ATP10B: variants seen among roughly 807,000 people sequenced by gnomAD.
The protein encoded by ATP10B is phospholipid-transporting ATPase VB.
In ATP10B, 122 loss-of-function variants were observed where a neutral mutation model predicts 141.2. That is an observed-to-expected ratio of 0.86 (90% CI 0.75 to 1.00). The LOEUF is 1.00. Among genes scored for constraint, ATP10B ranks in the 50% least tolerant of loss-of-function variants. The pLI is 0.00. For missense variants in ATP10B, 1,876 were observed against 1,825.3 expected (o/e 1.03, Z -0.51); for synonymous variants, 685 against 692.0 (o/e 0.99, Z 0.16).
chr5:160,659,326 A>G (rs1761735021), intron 7 of ATP10B, among the ~76,000 whole-genome samples: 1 of 151,924 alleles, frequency 6.6e-6, no homozygotes, highest in African/African-American at 2.4e-5. Flanking sequence ...TTAGCCGGGT[A>G]TGGTAGTGGG....
At chr5:160,611,565 T>G (rs967320167) in intron 18 of ATP10B, among the ~76,000 whole-genome samples, 1 of 152,226 alleles carries the variant, frequency 6.6e-6, no homozygotes, top group Non-Finnish European at 1.5e-5. Flanking sequence ...GACAGGAAAG[T>G]AAATGATTTT....
At chr5:160,625,896 A>G (rs560236687) in intron 13 of ATP10B, among the ~76,000 whole-genome samples, 2 of 152,330 alleles carry the variant, frequency 1.3e-5, no homozygotes, top group East Asian at 1.9e-4. Context: ...TCTTTTATAT[A>G]TTCCCATCCA....
At chr5:160,811,363 C>A (rs1408952339) in intron 1 of ATP10B, among the ~76,000 whole-genome samples, 2 of 152,130 alleles carry the variant, frequency 1.3e-5, no homozygotes, top group Non-Finnish European at 2.9e-5. Flanking sequence ...GAGTAGAGAA[C>A]CAAGTGGGTT....
the ATP10B span, among the ~76,000 whole-genome samples, chr5:160,888,605 G>A: frequency 3.9e-5 from 6 of 152,164 alleles, no homozygotes; most frequent in Non-Finnish European, 8.8e-5. Flanking sequence ...AAGCAGAGGG[G>A]AGGAGGCAGA....
intron 1 of ATP10B, among the ~76,000 whole-genome samples, chr5:160,837,548 AAT>A (rs1412254534): frequency 7.9e-5 from 12 of 152,112 alleles, no homozygotes; most frequent in African/African-American, 2.9e-4. Flanking sequence ...TCTCTACCAA[AAT>A]ATGATTTTTT....
chr5:160,807,692 A>G (rs955979991), intron 1 of ATP10B, among the ~76,000 whole-genome samples: 5 of 152,248 alleles, frequency 3.3e-5, no homozygotes, highest in African/African-American at 9.6e-5. Context: ...CTCTGTATCC[A>G]TATGATAAAA....
chr5:160,628,694 G>C (rs975352024), intron 13 of ATP10B, among the ~76,000 whole-genome samples: 4 of 152,140 alleles, frequency 2.6e-5, no homozygotes, highest in Non-Finnish European at 5.9e-5. Flanking sequence ...ATATTCTGTG[G>C]TCTGATGGCA....
chr5:160,920,172 TCGAG>T, the ATP10B span, among the ~76,000 whole-genome samples: 1 of 152,190 alleles, frequency 6.6e-6, no homozygotes, highest in Non-Finnish European at 1.5e-5. Context: ...TTACAGTCGA[TCGAG>T]CATCTCTGAC....
At chr5:160,784,622 A>G (rs1485179392) in intron 2 of ATP10B, among the ~76,000 whole-genome samples, 2 of 152,176 alleles carry the variant, frequency 1.3e-5, no homozygotes, top group Non-Finnish European at 2.9e-5. Flanking sequence ...AACAGTCTGC[A>G]TATGGTATAA....
At chr5:160,803,636 A>C (rs1221849961) in intron 1 of ATP10B, among the ~76,000 whole-genome samples, 2 of 152,182 alleles carry the variant, frequency 1.3e-5, no homozygotes, top group African/African-American at 4.8e-5. Flanking sequence ...AGATCATACC[A>C]CTGTACTCCA....
chr5:160,569,537 G>A lies in ATP10B; in HGVS notation c.3897C>T (p.Tyr1299=). 2 of 1,613,942 alleles carry A rather than the reference G, an allele frequency of 1.2e-6. No homozygotes were observed. The highest frequency in any genetic ancestry group is 1.7e-6 in the Non-Finnish European group (2 of 1,179,888). Residue 1299 remains tyrosine, a synonymous_variant, in exon 25 of 26, where the codon TAC becomes TAT. Coordinates refer to ENST00000327245, the MANE Select transcript of ATP10B (RefSeq NM_025153.3). ...CAACTGGTGTGAGAAAGCAGACGAGGTAGAAAGTGGGGTTTGAGAGCTGGC... is the reference window on the plus strand; with the variant it reads ...CAACTGGTGTGAGAAAGCAGACGAGATAGAAAGTGGGGTTTGAGAGCTGGC... The part of the protein sequence containing the change: ...MEGQLSNPTF[Y]LVCFLTPVVA...
chr5:160,592,348 T>TATA (rs1756366736), intron 22 of ATP10B, among the ~76,000 whole-genome samples: 1 of 152,032 alleles, frequency 6.6e-6, no homozygotes, highest in African/African-American at 2.4e-5. Context: ...GGCTGAAAGG[T>TATA]ATAGGATCCT....
intron 12 of ATP10B, chr5:160,633,067 A>G (rs1233907750): frequency 6.6e-6 from 1 of 152,282 alleles, no homozygotes; most frequent in Non-Finnish European, 1.5e-5. Flanking sequence ...GTCAGGACAC[A>G]ACAGATGCTG....
At chr5:160,783,562 TACACACACACACACACACAC>T (rs57796332) in intron 2 of ATP10B, among the ~76,000 whole-genome samples, 1 of 131,292 alleles carries the variant, frequency 7.6e-6, no homozygotes, top group Non-Finnish European at 1.6e-5. Context: ...ATATATATGA[TACACACACACACACACACAC>T]ACACACACAC....
At chr5:160,889,298 G>T in the ATP10B span, among the ~76,000 whole-genome samples, 5 of 152,166 alleles carry the variant, frequency 3.3e-5, no homozygotes, top group African/African-American at 1.2e-4. Context: ...GAATCGGGTG[G>T]CTAGAGTGCC....
the ATP10B span, among the ~76,000 whole-genome samples, chr5:160,902,647 A>G: frequency 6.6e-6 from 1 of 152,240 alleles, no homozygotes; most frequent in Admixed American, 6.5e-5. Flanking sequence ...TGAGCATGAT[A>G]GAGAAAAGTT....
At chr5:160,724,251 CTTTTTTTTTTTT>C (rs35786358) in intron 2 of ATP10B, among the ~76,000 whole-genome samples, 1 of 107,072 alleles carries the variant, frequency 9.3e-6, no homozygotes, top group Non-Finnish European at 1.8e-5. Flanking sequence ...GCTATAATTC[CTTTTTTTTTTTT>C]TTTTTTTTTT....
chr5:160,588,660 A>G (rs1389521233), intron 24 of ATP10B, among the ~76,000 whole-genome samples: 1 of 152,160 alleles, frequency 6.6e-6, no homozygotes, highest in Non-Finnish European at 1.5e-5. Flanking sequence ...GTTAAACCTT[A>G]TTGCATCTGC....
At chr5:160,599,106 A>G (rs1294916807) in intron 21 of ATP10B, 136 bp from the exon 22 acceptor site, 4 of 692,272 alleles carry the variant, frequency 5.8e-6, no homozygotes, top group Admixed American at 5.3e-5. Context: ...AGGATGAGAG[A>G]GAATTCTAAT....
Sources: gnomAD v4.1 joint callset for allele counts (sites outside exome capture counted in the v4.1 genomes callset) on GRCh38, gnomAD v4.1.1 for gene constraint, MANE v1.5 for transcripts, NCBI Gene and HGNC (gene_info 2026-07-23, HGNC 2026-07-21) for gene names.